The following LPAR1 variants were observed in gnomAD, a reference collection of about 807,000 sequenced individuals.
The protein encoded by LPAR1 is LPA receptor 1.
Under a neutral mutation model 23.8 loss-of-function variants are expected in LPAR1, and 5 were observed. The ratio of observed to expected loss-of-function variants is 0.21; its 90% confidence interval spans 0.11 to 0.44. The LOEUF is 0.44. LPAR1 is among the 20% of genes least tolerant of loss of function. The probability of loss-of-function intolerance (pLI) is 0.99; values close to 1 mark genes in which losing one functional copy is unlikely to be tolerated. For missense variants in LPAR1, 311 were observed against 482.8 expected, an observed-to-expected ratio of 0.64 and a Z score of 3.33; for synonymous variants, 160 against 164.7, an observed-to-expected ratio of 0.97 and a Z score of 0.22.
At chr9:111,001,219 C>T (rs528274270) in intron 2 of LPAR1, among the ~76,000 whole-genome samples, 4 of 152,284 alleles carry the variant, frequency 2.6e-5, no homozygotes, top group African/African-American at 4.8e-5. Context: ...AGAGTCAAAA[C>T]TGCCCTTATT....
chr9:111,029,742 A>T (rs1432312712), intron 2 of LPAR1, among the ~76,000 whole-genome samples: 1 of 151,820 alleles, frequency 6.6e-6, no homozygotes, highest in African/African-American at 2.4e-5. Context: ...GTACTTTCTT[A>T]ATTTTTTTTT....
intron 5 of LPAR1, among the ~76,000 whole-genome samples, chr9:110,914,303 T>C (rs565489047): frequency 2.0e-4 from 31 of 152,280 alleles, no homozygotes; most frequent in Non-Finnish European, 3.7e-4. Context: ...GAACTCACAG[T>C]TCCACATGGC....
At chr9:110,903,068 T>C (rs1564417390) in intron 5 of LPAR1, among the ~76,000 whole-genome samples, 1 of 152,122 alleles carries the variant, frequency 6.6e-6, no homozygotes, top group Non-Finnish European at 1.5e-5. Flanking sequence ...AAGATTTAAA[T>C]CAGACTCTGA....
At chr9:110,892,678 A>G (rs370655549) in intron 5 of LPAR1, among the ~76,000 whole-genome samples, 1,972 of 118,614 alleles carry the variant, frequency 0.017, 47 homozygotes, top group African/African-American at 0.054. Flanking sequence ...AGAGAGAGAG[A>G]GGGGGAAGGG....
intron 5 of LPAR1, among the ~76,000 whole-genome samples, chr9:110,876,862 T>C (rs558296905): frequency 3.9e-4 from 59 of 152,248 alleles, no homozygotes; most frequent in Middle Eastern, 3.4e-3. Flanking sequence ...CCCAGGAAAA[T>C]GGAGGTTGTA....
At chr9:110,887,178 C>T (rs2082632744) in intron 5 of LPAR1, among the ~76,000 whole-genome samples, 1 of 151,700 alleles carries the variant, frequency 6.6e-6, no homozygotes, top group African/African-American at 2.4e-5. Context: ...TCATGAATCA[C>T]AAGATATGTA....
chr9:110,898,382 G>T (rs568956940), intron 5 of LPAR1, among the ~76,000 whole-genome samples: 13 of 152,088 alleles, frequency 8.5e-5, no homozygotes, highest in Non-Finnish European at 1.9e-4. Flanking sequence ...GTAGATTACC[G>T]TGTGCAAAGA....
intron 4 of LPAR1, among the ~76,000 whole-genome samples, chr9:110,959,168 T>TAAAAAAAAA (rs1227052701): frequency 5.6e-5 from 1 of 17,906 alleles, no homozygotes; most frequent in Admixed American, 6.5e-4. Context: ...AAGATGTCTC[T>TAAAAAAAAA]ACAAAAAAAA....
intron 5 of LPAR1, among the ~76,000 whole-genome samples, chr9:110,932,830 A>G (rs2094489819): frequency 6.6e-6 from 1 of 152,150 alleles, no homozygotes; most frequent in Non-Finnish European, 1.5e-5. Flanking sequence ...CCCCTCCTCC[A>G]ACCCATCTGT....
chr9:110,953,663 C>CAA (rs35270504), intron 4 of LPAR1, among the ~76,000 whole-genome samples: 2 of 126,718 alleles, frequency 1.6e-5, no homozygotes, highest in Non-Finnish European at 1.7e-5. Flanking sequence ...AACTTGGTCT[C>CAA]AAAAAAAAAA....
At chr9:110,947,175 T>C (rs1016663904) in intron 4 of LPAR1, among the ~76,000 whole-genome samples, 4 of 152,124 alleles carry the variant, frequency 2.6e-5, no homozygotes, top group African/African-American at 9.7e-5. Flanking sequence ...CTCATATTTA[T>C]TGCAAGAAAT....
chr9:110,906,507 C>T (rs2091261436), intron 5 of LPAR1, among the ~76,000 whole-genome samples: 1 of 152,006 alleles, frequency 6.6e-6, no homozygotes, highest in Admixed American at 6.6e-5. Flanking sequence ...TTTTTAGTAC[C>T]AACCCAACAC....
intron 2 of LPAR1, among the ~76,000 whole-genome samples, chr9:110,974,523 C>T (rs922820857): frequency 5.3e-5 from 8 of 152,180 alleles, no homozygotes; most frequent in Non-Finnish European, 8.8e-5. Context: ...CATTTTTGTG[C>T]AGCATCCTTG....
At chr9:110,912,107 A>C (rs1245267602) in intron 5 of LPAR1, among the ~76,000 whole-genome samples, 2 of 152,250 alleles carry the variant, frequency 1.3e-5, no homozygotes, top group African/African-American at 4.8e-5. Flanking sequence ...AGGAAAGCAC[A>C]GTATCAATGC....
chr9:110,944,467 T>C (rs374116086), intron 4 of LPAR1, among the ~76,000 whole-genome samples: 18 of 152,204 alleles, frequency 1.2e-4, no homozygotes, highest in African/African-American at 4.3e-4. Flanking sequence ...AAGACAAATA[T>C]AAAAGTCTGT....
At chr9:111,021,907 T>G (rs918064934) in intron 2 of LPAR1, among the ~76,000 whole-genome samples, 1 of 126,818 alleles carries the variant, frequency 7.9e-6, no homozygotes, top group Non-Finnish European at 1.5e-5. Context: ...GAGGTTGCAG[T>G]GAGCAGAGAT....
At chr9:110,880,237 A>G (rs569765000) in intron 5 of LPAR1, among the ~76,000 whole-genome samples, 52 of 152,306 alleles carry the variant, frequency 3.4e-4, no homozygotes, top group African/African-American at 1.1e-3. Context: ...GAGAACCCCA[A>G]TGCCCACAAA....
rs2086316538 is a variant in LPAR1 at position 110,896,312 on chromosome 9, T to C, written c.794-20590A>G. On this transcript the variant is annotated intron_variant, in intron 5 of 5. Coordinates refer to ENST00000683809, the MANE Select transcript of LPAR1 (RefSeq NM_001351411.2). ...TCCTGCTATTTATTCAGGTCATTTGTGGCCTTTTGATTTTTAACTATGTAA... is the reference window on the plus strand; with the variant it reads ...TCCTGCTATTTATTCAGGTCATTTGCGGCCTTTTGATTTTTAACTATGTAA... 3.3e-5 allele frequency among the ~76,000 whole-genome samples: 5 copies of C among 152,244 alleles called. No homozygotes were observed. In the South Asian group the frequency reaches 1.0e-3, roughly 32 times the overall value.
At chr9:111,005,457 A>G (rs1336586959) in intron 2 of LPAR1, among the ~76,000 whole-genome samples, 1 of 145,692 alleles carries the variant, frequency 6.9e-6, no homozygotes, top group Non-Finnish European at 1.5e-5. Flanking sequence ...CTGAGGTGAG[A>G]GAATTACCTG....
Sources: allele counts gnomAD v4.1 joint callset (sites outside exome capture counted in the v4.1 genomes callset), GRCh38; gene constraint gnomAD v4.1.1; transcripts MANE v1.5; gene names NCBI Gene and HGNC (gene_info 2026-07-23, HGNC 2026-07-21).